The following NRG1 variants were observed in gnomAD, a reference collection of about 807,000 sequenced individuals.
The protein encoded by NRG1 is pro-neuregulin-1, membrane-bound isoform.
Under a neutral mutation model 63.8 loss-of-function variants are expected in NRG1, and 18 were observed. That is an observed-to-expected ratio of 0.28 (90% CI 0.19 to 0.42). The LOEUF is 0.42. NRG1 is among the 10% of genes least tolerant of loss of function. NRG1 has a pLI of 1.00. For synonymous variants in NRG1, 302 were observed against 301.3 expected, an observed-to-expected ratio of 1.00 and a Z score of -0.02; for missense variants, 762 against 814.7, an observed-to-expected ratio of 0.94 and a Z score of 0.79.
chr8:32,735,310 T>C (rs1490113856), intron 6 of NRG1, among the ~76,000 whole-genome samples: 1 of 152,190 alleles, frequency 6.6e-6, no homozygotes, highest in Non-Finnish European at 1.5e-5. Flanking sequence ...CTATTGTGAA[T>C]AGTGGATGAA....
At chr8:32,764,131 A>C in exon 12 of NRG1, 1 of 1,614,126 alleles carries the variant, frequency 6.2e-7, no homozygotes, top group Non-Finnish European at 8.5e-7. Flanking sequence ...AAAAGAACCA[A>C]GCCCAATGGC....
At chr8:32,559,841 C>CAAAAAAAAAAA (rs575336896) in intron 1 of NRG1, among the ~76,000 whole-genome samples, 4 of 127,414 alleles carry the variant, frequency 3.1e-5, no homozygotes, top group Non-Finnish European at 6.6e-5. Flanking sequence ...CAAAAAAATA[C>CAAAAAAAAAAA]AAAAAAAAAA....
chr8:32,126,649 T>C (rs1362675671), intron 1 of NRG1, among the ~76,000 whole-genome samples: 1 of 151,914 alleles, frequency 6.6e-6, no homozygotes, highest in Non-Finnish European at 1.5e-5. Flanking sequence ...TCTAAAGCCT[T>C]TCATTAATGC....
chr8:32,571,045 G>A (rs1018874635), intron 1 of NRG1, among the ~76,000 whole-genome samples: 18 of 152,166 alleles, frequency 1.2e-4, no homozygotes, highest in African/African-American at 4.3e-4. Context: ...ACTGCGCCTG[G>A]TTAGGTCCTA....
chr8:32,556,841 T>C (rs892200363), intron 1 of NRG1, among the ~76,000 whole-genome samples: 4 of 152,214 alleles, frequency 2.6e-5, no homozygotes, highest in African/African-American at 9.7e-5. Flanking sequence ...TAGCACAGTC[T>C]CTTTAGCAAT....
chr8:32,625,042 G>T (rs1848984034), intron 5 of NRG1, among the ~76,000 whole-genome samples: 1 of 152,138 alleles, frequency 6.6e-6, no homozygotes, highest in Non-Finnish European at 1.5e-5. Flanking sequence ...ACTGATTGAG[G>T]TTTTATCAGA....
chr8:31,813,529 T>TTTTTG (rs759201402), intron 1 of NRG1, among the ~76,000 whole-genome samples: 12,786 of 139,394 alleles, frequency 0.092, 464 homozygotes, highest in Admixed American at 0.14. Flanking sequence ...TTTTTTTTTT[T>TTTTTG]TTTTGTTTTT....
At chr8:31,843,874 G>T (rs914083883) in intron 1 of NRG1, among the ~76,000 whole-genome samples, 2 of 152,150 alleles carry the variant, frequency 1.3e-5, no homozygotes, top group African/African-American at 4.8e-5. Context: ...ATAGGTCATT[G>T]TCAATGTGGT....
intron 1 of NRG1, among the ~76,000 whole-genome samples, chr8:32,033,181 A>G (rs1327899634): frequency 1.5e-5 from 2 of 136,364 alleles, no homozygotes; most frequent in African/African-American, 5.6e-5. Flanking sequence ...TGCAAGCTCC[A>G]CCTCCCGGGT....
At chr8:31,735,633 T>C (rs973843899) in intron 1 of NRG1, among the ~76,000 whole-genome samples, 1 of 152,220 alleles carries the variant, frequency 6.6e-6, no homozygotes, top group African/African-American at 2.4e-5. Context: ...TTTGTTTAGT[T>C]CTTTGTGGTA....
At chr8:32,354,957 T>C (rs949431850) in intron 1 of NRG1, among the ~76,000 whole-genome samples, 2 of 151,636 alleles carry the variant, frequency 1.3e-5, no homozygotes, top group African/African-American at 2.4e-5. Flanking sequence ...CTTCATACTA[T>C]CAGCAATATA....
At chr8:31,817,432 G>A (rs1050456895) in intron 1 of NRG1, among the ~76,000 whole-genome samples, 1 of 152,120 alleles carries the variant, frequency 6.6e-6, no homozygotes, top group African/African-American at 2.4e-5. Context: ...TGAAATTATT[G>A]ACTTGAACCC....
intron 1 of NRG1, among the ~76,000 whole-genome samples, chr8:31,858,006 C>G (rs1197911471): frequency 1.3e-5 from 2 of 152,130 alleles, no homozygotes; most frequent in Non-Finnish European, 2.9e-5. Flanking sequence ...CCTCTTAAAA[C>G]TACAAGTGAA....
At chr8:32,098,842 G>A (rs1401437353) in intron 1 of NRG1, 2 of 152,218 alleles carry the variant, frequency 1.3e-5, no homozygotes, top group Non-Finnish European at 2.9e-5. Flanking sequence ...CCTGGAGCCT[G>A]GAGCCTGTTG....
At chr8:31,963,551 T>C (rs1399422655) in intron 1 of NRG1, among the ~76,000 whole-genome samples, 2 of 152,214 alleles carry the variant, frequency 1.3e-5, no homozygotes, top group Non-Finnish European at 2.9e-5. Flanking sequence ...AATTAACTTG[T>C]GTACAAAATG....
intron 1 of NRG1, among the ~76,000 whole-genome samples, chr8:32,116,185 T>G (rs994008587): frequency 1.3e-5 from 2 of 152,136 alleles, no homozygotes; most frequent in African/African-American, 2.4e-5. Flanking sequence ...GGCCCCATAT[T>G]CAGCTGCTGA....
chr8:32,232,020 C>T (rs1291157304), intron 1 of NRG1, among the ~76,000 whole-genome samples: 1 of 152,110 alleles, frequency 6.6e-6, no homozygotes, highest in Non-Finnish European at 1.5e-5. Context: ...CCTCCCACCT[C>T]AGCTTTCCAA....
At chr8:32,000,600 A>C (rs544845903) in intron 1 of NRG1, among the ~76,000 whole-genome samples, 4 of 151,988 alleles carry the variant, frequency 2.6e-5, no homozygotes, top group Non-Finnish European at 4.4e-5. Context: ...GTTTTCAACA[A>C]ATTCATATGA....
intron 5 of NRG1, among the ~76,000 whole-genome samples, chr8:32,661,798 A>G (rs779423688): frequency 3.3e-5 from 5 of 152,174 alleles, no homozygotes; most frequent in Admixed American, 6.5e-5. Context: ...GAAATCATAT[A>G]CTATCTTAGC....
Sources: gnomAD v4.1 joint callset for allele counts (sites outside exome capture counted in the v4.1 genomes callset) on GRCh38, gnomAD v4.1.1 for gene constraint, MANE v1.5 for transcripts, NCBI Gene and HGNC (gene_info 2026-07-23, HGNC 2026-07-21) for gene names.